CDH26: variants seen among roughly 807,000 people sequenced by gnomAD.
CDH26 encodes cadherin-like protein 26.
A neutral mutation model predicts 90.3 loss-of-function variants in CDH26; 83 were observed. That is an observed-to-expected ratio of 0.92 (90% CI 0.77 to 1.10). The LOEUF is 1.10. Among genes scored for constraint, CDH26 ranks in the 50% least tolerant of loss-of-function variants. CDH26 has a pLI of 0.00. For synonymous variants in CDH26, 397 were observed against 396.3 expected, an observed-to-expected ratio of 1.00 and a Z score of -0.02; for missense variants, 1,013 against 1,037.6, an observed-to-expected ratio of 0.98 and a Z score of 0.33.
chr20:60,003,933 G>A (rs780620106), intron 16 of CDH26, among the ~76,000 whole-genome samples: 1 of 152,186 alleles, frequency 6.6e-6, no homozygotes, highest in African/African-American at 2.4e-5. Context: ...CCTCGGGAAG[G>A]AGCCAGGCTG....
chr20:59,989,523 A>G (rs1223506006), intron 9 of CDH26, among the ~76,000 whole-genome samples: 5 of 141,986 alleles, frequency 3.5e-5, no homozygotes, highest in African/African-American at 1.4e-4. Context: ...CGACAGAGCG[A>G]GACTCCGTCT....
intron 1 of CDH26, among the ~76,000 whole-genome samples, chr20:59,959,254 C>A (rs1689999569): frequency 6.6e-6 from 1 of 152,084 alleles, no homozygotes; most frequent in Non-Finnish European, 1.5e-5. Flanking sequence ...TAACTTACCA[C>A]CACGCTGGCT....
intron 3 of CDH26, among the ~76,000 whole-genome samples, chr20:59,971,483 T>C (rs2061260581): frequency 6.6e-6 from 1 of 152,250 alleles, no homozygotes; most frequent in South Asian, 2.1e-4. Flanking sequence ...TCACTACTTC[T>C]CTTTCCTTCA....
Position 59,998,279 on chromosome 20 carries a change from TGAGCTTG to T in CDH26, c.2020-1303_2020-1297del, listed in dbSNP as rs369890306. ...CTTGGAGGGAGAGAGTGAAAGCTGC[TGAGCTTG>T]GAGGAGACTGGCAGGAATGTCACAC... On this transcript the variant is annotated intron_variant, in intron 13 of 17. Transcript: ENST00000348616. Among the ~76,000 whole-genome samples, 495 of 152,292 alleles carry T rather than the reference TGAGCTTG, an allele frequency of 3.3e-3. 5 individuals are homozygous for T. The highest frequency in any genetic ancestry group is 0.01 in the African/African-American group (417 of 41,550).
intron 7 of CDH26, among the ~76,000 whole-genome samples, chr20:60,022,641 A>C (rs1306626650): frequency 6.6e-6 from 1 of 152,204 alleles, no homozygotes; most frequent in Non-Finnish European, 1.5e-5. Context: ...GACAGTGCCA[A>C]ATAGAGGGCG....
chr20:59,963,871 G>T (rs1227410313), intron 1 of CDH26, among the ~76,000 whole-genome samples: 1 of 151,394 alleles, frequency 6.6e-6, no homozygotes, highest in Non-Finnish European at 1.5e-5. Flanking sequence ...AAAAAAAAAA[G>T]AGGCTTTCCT....
rs889323599 is a variant in CDH26 at position 60,030,376 on chromosome 20, G to GTT, written c.948-847_948-846dup. 1.3e-5 allele frequency among the ~76,000 whole-genome samples: 2 copies of GTT among 151,354 alleles called. No individual in the cohort carries two copies. The highest frequency in any genetic ancestry group is 3.9e-4 in the East Asian group (2 of 5,164). ...GTCTGTTGGTGTTTTAAGTATCTGG[G>GTT]TTTTTTTTTGTTTGCTTTTTTTTGT... On this transcript the variant is annotated intron_variant, in intron 7 of 8. Transcript: ENST00000370991. This position sits in a 1 kb window ranked among gnomAD's most constrained non-coding sequence, Gnocchi z 4.0.
chr20:59,972,062 A>G lies in CDH26; in HGVS notation c.332A>G (p.His111Arg), dbSNP rs374867041. The G allele has an allele frequency of 8.1e-6, 13 of 1,613,936 alleles. No individual in the cohort carries two copies. Among genetic ancestry groups the G allele is most frequent in the Non-Finnish European group, 1.0e-5 (12 of 1,179,922 alleles). Residue 111 changes from histidine (H) to arginine (R), a missense_variant, in exon 4 of 18, where the codon CAT (histidine) becomes CGT (arginine). Transcript: ENST00000348616. ...ATTGGTTTGTTTTCTCTAGAAGATC[A>G]TGAGAACGGAAGGATATATGTTCAC... ...PEIGLFSLED[H>R]ENGRIYVHRP...
rs745666352 is a variant in CDH26 at position 59,984,635 on chromosome 20, C to G, written c.542-4C>G. ...TAGTAACAATTTTTAAAAATTCTTT[C>G]TAGGGCAACCTATTTTTCAGATGTT... is the stretch of plus-strand genomic sequence containing the variant. On this transcript the variant is annotated splice_polypyrimidine_tract_variant and splice_region_variant and intron_variant, in intron 5 of 17. Transcript: ENST00000348616. 23 of 1,604,844 alleles carry G rather than the reference C, an allele frequency of 1.4e-5. No homozygotes were observed. Among genetic ancestry groups the G allele is most frequent in the Middle Eastern group, 1.7e-4 (1 of 6,036 alleles).
chr20:60,033,788 T>TGTGTGC, exon 9 of CDH26: 1 of 1,167,374 alleles, frequency 8.6e-7, no homozygotes, highest in South Asian at 1.6e-5. Flanking sequence ...TGTGTGTGTG[T>TGTGTGC]GTGTGTGTGT....
chr20:59,997,618 T>C (rs1041104245), intron 13 of CDH26, among the ~76,000 whole-genome samples: 4 of 152,240 alleles, frequency 2.6e-5, no homozygotes, highest in African/African-American at 9.6e-5. Flanking sequence ...GATGAAAGCA[T>C]TGTGAGCTCT....
intron 1 of CDH26, among the ~76,000 whole-genome samples, chr20:59,965,294 A>G (rs1357728772): frequency 6.6e-6 from 1 of 152,202 alleles, no homozygotes; most frequent in East Asian, 1.9e-4. Context: ...GACGCGGACG[A>G]GCCAACCAGA....
chr20:60,033,695 G>A, exon 9 of CDH26: 1 of 1,296,796 alleles, frequency 7.7e-7, no homozygotes, highest in Non-Finnish European at 1.0e-6. Flanking sequence ...TACGGTGGAG[G>A]GGCATGGGCC....
intron 16 of CDH26, among the ~76,000 whole-genome samples, chr20:60,004,599 T>C (rs1293504057): frequency 6.6e-6 from 1 of 151,582 alleles, no homozygotes. Context: ...ACCCTGTCTT[T>C]ACTAAAAATA....
chr20:59,998,340 G>T (rs1176612417), intron 13 of CDH26, among the ~76,000 whole-genome samples: 1 of 152,204 alleles, frequency 6.6e-6, no homozygotes, highest in Admixed American at 6.5e-5. Context: ...AGCTGAGGTG[G>T]AAGGGACAGT....
At chr20:60,031,503 G>T in intron 8 of CDH26, 2 of 1,037,900 alleles carry the variant, frequency 1.9e-6, no homozygotes, top group Non-Finnish European at 1.2e-6. Context: ...AGGCGTTCAA[G>T]TTAATCCTTG....
In CDH26 at chr20:60,030,181, T is replaced by C. The variant is rs1180224384; in HGVS notation, c.948-1050T>C. 6.6e-6 allele frequency among the ~76,000 whole-genome samples: 1 copy of C among 152,216 alleles called. No homozygotes were observed. Among genetic ancestry groups the C allele is most frequent in the Non-Finnish European group, 1.5e-5 (1 of 68,040 alleles). ...GTATACCATCACCAGAATCAAGTTTTGTGGAGCTCTGCTACCTTTTTGCTG... is the reference window on the plus strand; with the variant it reads ...GTATACCATCACCAGAATCAAGTTTCGTGGAGCTCTGCTACCTTTTTGCTG... On this transcript the variant is annotated intron_variant, in intron 7 of 8. Transcript: ENST00000370991. The surrounding 1 kb of genome is among the most constrained non-coding windows in gnomAD (Gnocchi z 4.0).
intron 7 of CDH26, 83 bp from the exon 8 acceptor site, chr20:59,987,370 C>T (rs2061472021): frequency 9.4e-7 from 1 of 1,064,074 alleles, no homozygotes; most frequent in Non-Finnish European, 1.3e-6. Context: ...TCTCTCTCTG[C>T]TTCTCTCCCT....
intron 17 of CDH26, among the ~76,000 whole-genome samples, chr20:60,007,507 G>A (rs752268149): frequency 9.2e-5 from 14 of 152,198 alleles, no homozygotes; most frequent in Non-Finnish European, 1.6e-4. Flanking sequence ...GTTGGCAACT[G>A]TATTTATACC....
Sources: gnomAD v4.1 joint callset for allele counts (sites outside exome capture counted in the v4.1 genomes callset) on GRCh38, gnomAD v4.1.1 for gene constraint, Gnocchi (gnomAD v3.1) non-coding constraint, MANE v1.5 for transcripts, NCBI Gene and HGNC (gene_info 2026-07-23, HGNC 2026-07-21) for gene names.